The following NRXN1 variants were observed in gnomAD, a reference collection of about 807,000 sequenced individuals.
The protein encoded by NRXN1 is neurexin 1.
NRXN1 carries 39 observed loss-of-function variants against 150.9 expected under a neutral mutation model. The observed-to-expected ratio is 0.26, with a 90% CI of 0.20 to 0.34. The LOEUF (loss-of-function observed/expected upper bound fraction) is 0.34, where lower values mean the gene tolerates loss of function less well. NRXN1 is among the 10% of genes least tolerant of loss of function. The probability of loss-of-function intolerance (pLI) is 1.00; values close to 1 mark genes in which losing one functional copy is unlikely to be tolerated. For missense variants in NRXN1, 1,815 were observed against 1,949.9 expected, an observed-to-expected ratio of 0.93 and a Z score of 1.30; for synonymous variants, 924 against 757.0, an observed-to-expected ratio of 1.22 and a Z score of -3.62.
chr2:50,820,100 G>A (rs1173165685), intron 5 of NRXN1, among the ~76,000 whole-genome samples: 1 of 151,874 alleles, frequency 6.6e-6, no homozygotes, highest in East Asian at 1.9e-4. Context: ...ACCCATGATT[G>A]ATATTCTTTT....
chr2:50,799,395 G>A (rs1248936024), intron 5 of NRXN1, among the ~76,000 whole-genome samples: 1 of 152,136 alleles, frequency 6.6e-6, no homozygotes, highest in Non-Finnish European at 1.5e-5. Flanking sequence ...ATGGAGATGA[G>A]CCACAAAGTA....
intron 8 of NRXN1, among the ~76,000 whole-genome samples, chr2:50,591,704 TG>T (rs1337959150): frequency 6.6e-6 from 1 of 152,196 alleles, no homozygotes; most frequent in Non-Finnish European, 1.5e-5. Context: ...CTCTGTGCTG[TG>T]CTGGGGAGGA....
At chr2:50,653,097 C>T (rs1685883971) in intron 5 of NRXN1, among the ~76,000 whole-genome samples, 1 of 152,040 alleles carries the variant, frequency 6.6e-6, no homozygotes, top group African/African-American at 2.4e-5. Flanking sequence ...CAATTAACTA[C>T]CATATCTTAA....
At chr2:50,021,769 A>G (rs770312565) in intron 21 of NRXN1, among the ~76,000 whole-genome samples, 5 of 152,200 alleles carry the variant, frequency 3.3e-5, no homozygotes, top group Non-Finnish European at 5.9e-5. Context: ...TAAATCATCT[A>G]TTCAGAAGTC....
chr2:50,398,201 C>A (rs2103897599), intron 17 of NRXN1, among the ~76,000 whole-genome samples: 1 of 152,170 alleles, frequency 6.6e-6, no homozygotes, highest in East Asian at 1.9e-4. Flanking sequence ...AACTGTTTAG[C>A]AAATCTGCAT....
At chr2:50,431,779 A>C (rs1386429836) in intron 17 of NRXN1, among the ~76,000 whole-genome samples, 4 of 152,178 alleles carry the variant, frequency 2.6e-5, no homozygotes, top group Admixed American at 2.6e-4. Context: ...AATATGTATT[A>C]TCCAGTCCTT....
At position 50,998,877 on chromosome 2, in the gene NRXN1, T is replaced by C. The variant is rs959962719; in HGVS notation, c.772+28625A>G. Among the ~76,000 whole-genome samples the C allele has an allele frequency of 4.6e-5, 7 of 152,048 alleles. No individual in the cohort carries two copies. The East Asian group carries it at 1.4e-3, about 29-fold the overall frequency. On this transcript the variant is annotated intron_variant, in intron 2 of 22. Coordinates refer to ENST00000401669, the MANE Select transcript of NRXN1 (RefSeq NM_001330078.2). Reference sequence around the variant, plus strand: ...ATGTTTTTTAAAATTAATATAGAAATGGATGAATGAGATTCAATTAGCCCA... The same window carrying C: ...ATGTTTTTTAAAATTAATATAGAAACGGATGAATGAGATTCAATTAGCCCA...
intron 18 of NRXN1, among the ~76,000 whole-genome samples, chr2:50,103,690 G>A (rs1355264967): frequency 6.6e-6 from 1 of 152,030 alleles, no homozygotes; most frequent in Admixed American, 6.6e-5. Context: ...TGAGATAAAA[G>A]TTCACTTGTA....
chr2:50,931,803 G>A (rs547402626), intron 2 of NRXN1, among the ~76,000 whole-genome samples: 22 of 152,082 alleles, frequency 1.4e-4, no homozygotes, highest in African/African-American at 5.1e-4. Context: ...GCCATTCTTA[G>A]CTAAATAAAT....
Position 50,797,611 on chromosome 2 carries a change from G to A in NRXN1, c.832+124258C>T, listed in dbSNP as rs2105660645. Among the ~76,000 whole-genome samples the A allele has an allele frequency of 2.0e-5, 3 of 152,226 alleles. No individual in the cohort carries two copies. The South Asian group carries it at 6.2e-4, about 32-fold the overall frequency. ...CTACATATTATCTATGCAAACTCGG[G>A]AACACTAATTAACCCTAACACCTCA... On this transcript the variant is annotated intron_variant, in intron 5 of 22. Coordinates refer to ENST00000401669, the MANE Select transcript of NRXN1 (RefSeq NM_001330078.2).
At chr2:50,239,290 A>T (rs991562663) in intron 17 of NRXN1, among the ~76,000 whole-genome samples, 3 of 151,592 alleles carry the variant, frequency 2.0e-5, no homozygotes, top group Admixed American at 6.6e-5. Context: ...TTAATAATTA[A>T]TTTTTTTCCT....
intron 19 of NRXN1, among the ~76,000 whole-genome samples, chr2:50,063,878 T>A (rs1694946936): frequency 6.6e-6 from 1 of 152,136 alleles, no homozygotes; most frequent in Admixed American, 6.6e-5. Flanking sequence ...TGTTAAGTAA[T>A]TTCTAAATGA....
intron 5 of NRXN1, among the ~76,000 whole-genome samples, chr2:50,736,981 G>C (rs1025363168): frequency 1.3e-5 from 2 of 152,106 alleles, no homozygotes; most frequent in Non-Finnish European, 2.9e-5. Flanking sequence ...AAGTCAACCA[G>C]GCATGGTGGT....
At chr2:49,943,618 C>T (rs945458875) in intron 22 of NRXN1, 86 bp downstream of exon 22, 1 of 857,864 alleles carries the variant, frequency 1.2e-6, no homozygotes, top group Non-Finnish European at 2.0e-6. Flanking sequence ...GCCTTCTATA[C>T]ATGAATATAA....
chr2:50,283,265 A>G (rs139071246), intron 17 of NRXN1, among the ~76,000 whole-genome samples: 85 of 152,280 alleles, frequency 5.6e-4, no homozygotes, highest in African/African-American at 2.0e-3. Context: ...TTAGCCTCCA[A>G]CTTTTTAAGA....
chr2:50,794,003 G>GT (rs1706432748), intron 5 of NRXN1, among the ~76,000 whole-genome samples: 1 of 151,918 alleles, frequency 6.6e-6, no homozygotes, highest in Admixed American at 6.6e-5. Context: ...GTTGCTTTGG[G>GT]TATCTATTAA....
At chr2:50,542,035 A>G (rs978964043) in intron 9 of NRXN1, among the ~76,000 whole-genome samples, 5 of 152,214 alleles carry the variant, frequency 3.3e-5, no homozygotes, top group African/African-American at 1.2e-4. Context: ...TAATCCCAGC[A>G]CTTTGGGAGA....
At chr2:50,840,767 C>A (rs1672757876) in intron 5 of NRXN1, among the ~76,000 whole-genome samples, 1 of 152,148 alleles carries the variant, frequency 6.6e-6, no homozygotes, top group Non-Finnish European at 1.5e-5. Flanking sequence ...CTATAGAAAT[C>A]TCATGTTTTC....
chr2:50,654,720 T>C (rs1258746284), intron 5 of NRXN1, among the ~76,000 whole-genome samples: 1 of 152,110 alleles, frequency 6.6e-6, no homozygotes, highest in African/African-American at 2.4e-5. Context: ...ATGATCACCA[T>C]TCTAACTGGT....
Sources: allele counts gnomAD v4.1 joint callset (sites outside exome capture counted in the v4.1 genomes callset), GRCh38; gene constraint gnomAD v4.1.1; transcripts MANE v1.5; gene names NCBI Gene and HGNC (gene_info 2026-07-23, HGNC 2026-07-21).